Variants in UNC13C observed in about 807,000 individuals in gnomAD.
UNC13C encodes the protein unc-13 homolog C.
In UNC13C, 174 loss-of-function variants were observed where a neutral mutation model predicts 245.4. That is an observed-to-expected ratio of 0.71 (90% CI 0.63 to 0.80). The LOEUF (loss-of-function observed/expected upper bound fraction) is 0.80, where lower values mean the gene tolerates loss of function less well. Ranked by LOEUF, UNC13C falls within the 30% of genes least tolerant of loss-of-function variation. UNC13C has a pLI of 0.00. For synonymous variants in UNC13C, 992 were observed against 895.1 expected (o/e 1.11, Z -1.93); for missense variants, 2,829 against 2,602.9 (o/e 1.09, Z -1.89).
rs1191269487 is a variant in UNC13C at position 54,015,576 on chromosome 15, C to T, written c.2673C>T (p.Asn891=). Residue 891 remains asparagine (N), a synonymous_variant, in exon 2 of 33, where the codon AAC becomes AAT. Transcript: ENST00000260323. ...VMEQVLAKLE[N]RTSITETDEQ... ...AACAAGTCCTTGCTAAACTAGAAAA[C>T]AGGACTAGTATTACTGAAACAGATG... The T allele has an allele frequency of 1.2e-6, 2 of 1,613,794 alleles. No homozygotes were observed. The highest frequency in any genetic ancestry group is 1.7e-6 in the Non-Finnish European group (2 of 1,179,788).
chr15:54,145,771 C>T (rs375519221), intron 4 of UNC13C, among the ~76,000 whole-genome samples: 5 of 152,238 alleles, frequency 3.3e-5, no homozygotes, highest in African/African-American at 1.2e-4. Flanking sequence ...CCTTCGCCTA[C>T]AGCATCTATC....
chr15:54,215,404 C>T (rs1041180968), intron 4 of UNC13C, among the ~76,000 whole-genome samples: 13 of 151,756 alleles, frequency 8.6e-5, no homozygotes, highest in African/African-American at 1.7e-4. Context: ...TCATTCATGT[C>T]GTCTCCCACT....
At chr15:54,005,511 T>C (rs1050709486) in intron 1 of UNC13C, among the ~76,000 whole-genome samples, 1 of 152,176 alleles carries the variant, frequency 6.6e-6, no homozygotes, top group Non-Finnish European at 1.5e-5. Context: ...CAAACATTAA[T>C]GTAATCTATA....
the UNC13C span, among the ~76,000 whole-genome samples, chr15:53,843,044 C>G: frequency 6.6e-6 from 1 of 152,000 alleles, no homozygotes; most frequent in Non-Finnish European, 1.5e-5. Context: ...CCAGCCATCT[C>G]TGACTTTGAA....
the UNC13C span, chr15:53,947,866 T>A: frequency 6.6e-6 from 1 of 152,180 alleles, no homozygotes; most frequent in Non-Finnish European, 1.5e-5. Flanking sequence ...CAGAAAAATA[T>A]CTAGAATCAA....
At chr15:54,266,464 C>T (rs760805329) in intron 10 of UNC13C, among the ~76,000 whole-genome samples, 4 of 151,616 alleles carry the variant, frequency 2.6e-5, no homozygotes, top group Non-Finnish European at 4.4e-5. Context: ...GTTGGAGTCA[C>T]GTAAATGAAT....
intron 19 of UNC13C, among the ~76,000 whole-genome samples, chr15:54,449,271 A>G (rs1891019456): frequency 6.6e-6 from 1 of 152,072 alleles, no homozygotes; most frequent in Non-Finnish European, 1.5e-5. Context: ...GCTCTTCTCA[A>G]GGAGTATCTT....
chr15:53,963,290 A>G, the UNC13C span, among the ~76,000 whole-genome samples: 2 of 152,210 alleles, frequency 1.3e-5, no homozygotes, highest in African/African-American at 2.4e-5. Context: ...ACAGCCTACC[A>G]AACTTATACT....
intron 4 of UNC13C, among the ~76,000 whole-genome samples, chr15:54,207,420 A>G (rs1350325036): frequency 6.6e-6 from 1 of 151,886 alleles, no homozygotes; most frequent in African/African-American, 2.4e-5. Flanking sequence ...CTCCTTTTTC[A>G]TGTTCTGCCA....
the UNC13C span, among the ~76,000 whole-genome samples, chr15:53,895,576 T>C: frequency 6.6e-6 from 1 of 152,186 alleles, no homozygotes; most frequent in African/African-American, 2.4e-5. Flanking sequence ...GTAAGCTGTA[T>C]ATCTAATTAG....
chr15:54,018,648 T>G (rs1344914467), intron 2 of UNC13C, among the ~76,000 whole-genome samples: 13 of 152,202 alleles, frequency 8.5e-5, no homozygotes, highest in Admixed American at 8.5e-4. Context: ...ACCATGATGG[T>G]GACTCTCTGA....
At chr15:54,046,606 T>C (rs1200337364) in intron 2 of UNC13C, among the ~76,000 whole-genome samples, 2 of 152,090 alleles carry the variant, frequency 1.3e-5, no homozygotes, top group Admixed American at 6.5e-5. Context: ...ATTTTTATAT[T>C]GGCTATTAGC....
intron 4 of UNC13C, among the ~76,000 whole-genome samples, chr15:54,195,533 T>C (rs2034325017): frequency 6.6e-6 from 1 of 152,098 alleles, no homozygotes; most frequent in South Asian, 2.1e-4. Context: ...GCAGCGCCTT[T>C]TGCACCATAG....
intron 10 of UNC13C, among the ~76,000 whole-genome samples, chr15:54,291,439 A>G (rs2037296147): frequency 6.6e-6 from 1 of 151,956 alleles, no homozygotes; most frequent in Admixed American, 6.6e-5. Flanking sequence ...TGTAAAAGGG[A>G]TTTTATTTTG....
At chr15:53,849,065 A>G in the UNC13C span, among the ~76,000 whole-genome samples, 5 of 151,722 alleles carry the variant, frequency 3.3e-5, no homozygotes, top group African/African-American at 1.2e-4. Flanking sequence ...ATCTATGTAG[A>G]TTTATATTTA....
chr15:54,320,559 AT>A (rs1453223768), intron 13 of UNC13C, among the ~76,000 whole-genome samples: 3 of 151,960 alleles, frequency 2.0e-5, no homozygotes, highest in Admixed American at 2.0e-4. Flanking sequence ...AATCCTTGAG[AT>A]TTTGGCCCAT....
At chr15:54,110,899 C>A (rs905205661) in intron 2 of UNC13C, among the ~76,000 whole-genome samples, 4 of 152,088 alleles carry the variant, frequency 2.6e-5, no homozygotes, top group African/African-American at 9.7e-5. Context: ...CAATTGTTTT[C>A]CAAAAGTTTG....
rs117766159 is a variant in UNC13C, at chr15:54,417,221, G to T, written c.4933+2154G>T. Among the ~76,000 whole-genome samples, 521 of 152,190 alleles carry T rather than the reference G, an allele frequency of 3.4e-3. 14 individuals are homozygous for T. The East Asian group carries it at 0.069, about 20-fold the overall frequency. ...AATAGAAGCTACTCAATAACTACTT[G>T]TTGAACAAATAAATTGCCAACTTTA... On this transcript the variant is annotated intron_variant, in intron 19 of 32. Transcript: ENST00000260323.
rs148602664 is a variant in UNC13C, at chr15:54,112,500, C to T, written c.2984-30518C>T. Among the ~76,000 whole-genome samples the T allele has an allele frequency of 7.2e-5, 11 of 152,196 alleles. No homozygotes were observed. The East Asian group carries it at 1.9e-3, about 27-fold the overall frequency. On this transcript the variant is annotated intron_variant, in intron 2 of 32. Transcript: ENST00000260323. ...GCAAATGAGGTTTCTACCTGGCCAG[C>T]GCCATGTTGTCTGCTTCTTACTGTA... is the stretch of plus-strand genomic sequence containing the variant.
Sources: gnomAD v4.1 joint callset for allele counts (sites outside exome capture counted in the v4.1 genomes callset) on GRCh38, gnomAD v4.1.1 for gene constraint, MANE v1.5 for transcripts, NCBI Gene and HGNC (gene_info 2026-07-23, HGNC 2026-07-21) for gene names.